Variants in GRIA4 observed in about 807,000 individuals in gnomAD.
GRIA4 encodes glutamate receptor 4.
Under a neutral mutation model 104.0 loss-of-function variants are expected in GRIA4, and 34 were observed. The ratio of observed to expected loss-of-function variants is 0.33; its 90% CI spans 0.25 to 0.44. GRIA4 has a LOEUF of 0.44. Among genes scored for constraint, GRIA4 ranks in the 20% least tolerant of loss-of-function variants. GRIA4 has a pLI of 1.00. For missense variants in GRIA4, 750 were observed against 1,096.5 expected (o/e 0.68, Z 4.46); for synonymous variants, 386 against 381.9 (o/e 1.01, Z -0.13).
chr11:105,906,549 A>G (rs1947047082), intron 9 of GRIA4, among the ~76,000 whole-genome samples: 1 of 152,190 alleles, frequency 6.6e-6, no homozygotes, highest in African/African-American at 2.4e-5. Flanking sequence ...GCTTCAGTCT[A>G]CAATATGGGT....
rs149227016 is a variant in GRIA4, at chr11:105,945,486, C to A, written c.2294+11517C>A. Reference sequence around the variant, plus strand: ...AGGAGGAGGACAGAGGAGAACTAACCAGCTCCAGGACCAAGGTAAGAGGGG... The same window carrying A: ...AGGAGGAGGACAGAGGAGAACTAACAAGCTCCAGGACCAAGGTAAGAGGGG... On this transcript the variant is annotated intron_variant, in intron 14 of 16. Transcript: ENST00000282499. The A allele has an allele frequency of 4.2e-6, 4 of 963,468 alleles. No homozygotes were observed. In the East Asian group the frequency reaches 3.4e-4, roughly 83 times the overall value. The allele number at this position is 963,468 out of a possible 1,614,324, so 59.7% of individuals were successfully genotyped here. A position where few individuals can be genotyped will look rare whatever the true frequency, so the allele number is the denominator to read the frequency against.
chr11:105,970,326 C>CA (rs143994103), intron 14 of GRIA4, among the ~76,000 whole-genome samples: 10,289 of 149,992 alleles, frequency 0.069, 446 homozygotes, highest in East Asian at 0.15. Flanking sequence ...ACTAACCATA[C>CA]AAAAAAAAAT....
intron 6 of GRIA4, among the ~76,000 whole-genome samples, chr11:105,892,140 C>G (rs139248016): frequency 2.9e-4 from 44 of 152,166 alleles, no homozygotes; most frequent in African/African-American, 1.1e-3. Context: ...AATAATGCCA[C>G]CAAGTGACCA....
intron 4 of GRIA4, among the ~76,000 whole-genome samples, chr11:105,796,206 T>C (rs1942473751): frequency 6.6e-6 from 1 of 152,206 alleles, no homozygotes; most frequent in South Asian, 2.1e-4. Context: ...TTATCCATTA[T>C]CCTAAAATCA....
intron 3 of GRIA4, among the ~76,000 whole-genome samples, chr11:105,682,929 T>C (rs1952757236): frequency 6.6e-6 from 1 of 152,142 alleles, no homozygotes; most frequent in African/African-American, 2.4e-5. Flanking sequence ...TGTAAAAATA[T>C]CCCTTAAGCC....
chr11:105,716,083 A>G (rs1954079362), intron 3 of GRIA4, among the ~76,000 whole-genome samples: 1 of 144,440 alleles, frequency 6.9e-6, no homozygotes, highest in Non-Finnish European at 1.5e-5. Context: ...ATAATTTTAT[A>G]TTAGACATGA....
At chr11:105,886,633 C>T (rs1234462724) in intron 5 of GRIA4, among the ~76,000 whole-genome samples, 2 of 152,028 alleles carry the variant, frequency 1.3e-5, no homozygotes, top group African/African-American at 4.8e-5. Context: ...TAATAAAATG[C>T]TTAAAATAAT....
At chr11:105,630,754 T>C in intron 3 of GRIA4, among the ~76,000 whole-genome samples, 1 of 152,182 alleles carries the variant, frequency 6.6e-6, no homozygotes, top group Non-Finnish European at 1.5e-5. Context: ...AAACAGTTTT[T>C]TATGGACTTC....
At chr11:105,861,094 G>C (rs1025915369) in intron 4 of GRIA4, among the ~76,000 whole-genome samples, 4 of 152,044 alleles carry the variant, frequency 2.6e-5, no homozygotes, top group Admixed American at 2.6e-4. Context: ...CAGGTGCTTG[G>C]ACCAGGTGCC....
chr11:105,934,083 G>T, intron 14 of GRIA4, 114 bp downstream of exon 14: 6 of 895,994 alleles, frequency 6.7e-6, no homozygotes, highest in South Asian at 2.0e-5. Context: ...TTGTTTGTTT[G>T]TTTTCTTTTT....
chr11:105,782,415 A>G (rs571940149), intron 4 of GRIA4, among the ~76,000 whole-genome samples: 1 of 152,356 alleles, frequency 6.6e-6, no homozygotes, highest in Admixed American at 6.5e-5. Context: ...TCATAATAAT[A>G]GAAAATTACT....
At chr11:105,918,048 T>C (rs1313513712) in intron 10 of GRIA4, among the ~76,000 whole-genome samples, 3 of 152,114 alleles carry the variant, frequency 2.0e-5, no homozygotes, top group Admixed American at 6.6e-5. Context: ...TATAATATAA[T>C]TAAATTTCAT....
intron 3 of GRIA4, among the ~76,000 whole-genome samples, chr11:105,698,531 T>C (rs1953368431): frequency 1.3e-5 from 2 of 152,302 alleles, no homozygotes; most frequent in Admixed American, 6.5e-5. Context: ...CTGGTAACAA[T>C]GAACTGCTTT....
At chr11:105,735,312 G>T (rs895281275) in intron 3 of GRIA4, among the ~76,000 whole-genome samples, 10 of 152,018 alleles carry the variant, frequency 6.6e-5, no homozygotes, top group African/African-American at 1.4e-4. Flanking sequence ...CAAACAACTC[G>T]CTTGTCTTAA....
Position 105,737,868 on chromosome 11 carries a change from A to G in GRIA4, c.248-15113A>G, listed in dbSNP as rs370324859. Among the ~76,000 whole-genome samples the G allele has an allele frequency of 2.9e-4, 44 of 152,310 alleles. 1 individual carries two copies. Among genetic ancestry groups the G allele is most frequent in the African/African-American group, 8.9e-4 (37 of 41,576 alleles). On this transcript the variant is annotated intron_variant, in intron 3 of 16. Transcript: ENST00000282499. Reference sequence around the variant, plus strand: ...GTATAAACTTATATGAGTTGCATAAATTCACCAAATTTCATCTTTCAAAAA... The same window carrying G: ...GTATAAACTTATATGAGTTGCATAAGTTCACCAAATTTCATCTTTCAAAAA...
rs73542896 is a variant in GRIA4, at chr11:105,908,118, C to T, written c.1159-2317C>T. Among the ~76,000 whole-genome samples, 504 of 152,230 alleles carry T rather than the reference C, an allele frequency of 3.3e-3. 5 individuals are homozygous for T. The highest frequency in any genetic ancestry group is 0.012 in the African/African-American group (482 of 41,532). On this transcript the variant is annotated intron_variant, in intron 9 of 16. Transcript: ENST00000282499. ...AGGAGCTCCTCACAGCCGCTCAGTC[C>T]CTATCTGTTCTCTATGTTCTAGGCC...
chr11:105,881,391 G>A (rs1338296063), intron 5 of GRIA4, among the ~76,000 whole-genome samples: 1 of 152,170 alleles, frequency 6.6e-6, no homozygotes, highest in East Asian at 1.9e-4. Flanking sequence ...AGTATGCATT[G>A]ACATGACAAG....
intron 6 of GRIA4, among the ~76,000 whole-genome samples, chr11:105,894,667 G>C (rs558721366): frequency 5.3e-5 from 8 of 152,118 alleles, no homozygotes; most frequent in African/African-American, 1.7e-4. Flanking sequence ...AGGAGGGAGG[G>C]AAGAGGGAAG....
At chr11:105,748,988 G>A (rs1399001137) in intron 3 of GRIA4, among the ~76,000 whole-genome samples, 1 of 152,108 alleles carries the variant, frequency 6.6e-6, no homozygotes, top group Non-Finnish European at 1.5e-5. Flanking sequence ...TTTCACGCAG[G>A]AAATATATTT....
Sources: allele counts gnomAD v4.1 joint callset (sites outside exome capture counted in the v4.1 genomes callset), GRCh38; gene constraint gnomAD v4.1.1; transcripts MANE v1.5; gene names NCBI Gene and HGNC (gene_info 2026-07-23, HGNC 2026-07-21).